Variants in RAB38 observed in about 807,000 individuals in gnomAD.
RAB38 encodes the protein ras-related protein Rab-38.
RAB38 carries 15 observed loss-of-function variants against 18.4 expected under a neutral mutation model. That is an observed-to-expected ratio of 0.82 (90% CI 0.55 to 1.26). The LOEUF is 1.26. Among genes scored for constraint, RAB38 ranks in the 50% most tolerant of loss-of-function variants. The probability of loss-of-function intolerance (pLI) is 0.00; values close to 1 mark genes in which losing one functional copy is unlikely to be tolerated. For synonymous variants in RAB38, 101 were observed against 104.4 expected (o/e 0.97, Z 0.20); for missense variants, 294 against 267.4 (o/e 1.10, Z -0.69).
At chr11:87,961,901 T>A in the RAB38 span, among the ~76,000 whole-genome samples, 1 of 152,132 alleles carries the variant, frequency 6.6e-6, no homozygotes. Flanking sequence ...CTAAAATATG[T>A]GCAAAATGAG....
downstream of RAB38, among the ~76,000 whole-genome samples, chr11:88,111,128 T>A (rs1370579449): frequency 6.6e-6 from 1 of 152,216 alleles, no homozygotes; most frequent in Non-Finnish European, 1.5e-5. Flanking sequence ...TTGACCAAAC[T>A]GCTTCTAATC....
At chr11:87,824,779 T>C in the RAB38 span, among the ~76,000 whole-genome samples, 1 of 151,856 alleles carries the variant, frequency 6.6e-6, no homozygotes, top group Non-Finnish European at 1.5e-5. Context: ...ATGCAGGAGA[T>C]TTCTATGCAG....
chr11:87,857,289 G>A, the RAB38 span, among the ~76,000 whole-genome samples: 2 of 152,180 alleles, frequency 1.3e-5, no homozygotes, highest in African/African-American at 2.4e-5. Flanking sequence ...TTGGTTCCAA[G>A]TCTTTGCTAT....
chr11:87,926,512 T>TTTTGTTTG, the RAB38 span, among the ~76,000 whole-genome samples: 38 of 150,982 alleles, frequency 2.5e-4, no homozygotes, highest in East Asian at 5.9e-4. Flanking sequence ...ATGGTGGTTT[T>TTTTGTTTG]TTTGTTTGTT....
chr11:88,157,567 G>A (rs1943141249), intron 1 of RAB38, among the ~76,000 whole-genome samples: 1 of 151,978 alleles, frequency 6.6e-6, no homozygotes, highest in African/African-American at 2.4e-5. Context: ...ACAGAACATA[G>A]AAAGATTGAA....
At chr11:87,925,928 A>G in the RAB38 span, among the ~76,000 whole-genome samples, 2 of 151,944 alleles carry the variant, frequency 1.3e-5, no homozygotes, top group Admixed American at 6.6e-5. Flanking sequence ...GATACCTGCC[A>G]CGCTACGATC....
the RAB38 span, among the ~76,000 whole-genome samples, chr11:87,922,184 T>A: frequency 7.9e-5 from 12 of 152,000 alleles, no homozygotes; most frequent in Non-Finnish European, 1.8e-4. Flanking sequence ...GTGTGTCACT[T>A]TGGATGGTAA....
chr11:87,829,081 T>A, the RAB38 span, among the ~76,000 whole-genome samples: 1 of 152,190 alleles, frequency 6.6e-6, no homozygotes, highest in South Asian at 2.1e-4. Context: ...TGTTTTCAGA[T>A]TAACCTAGGA....
chr11:88,057,508 C>T, the RAB38 span, among the ~76,000 whole-genome samples: 3,126 of 151,934 alleles, frequency 0.021, 104 homozygotes, highest in African/African-American at 0.07. Context: ...GTGAAGTTGC[C>T]GTGATTCAAT....
the RAB38 span, among the ~76,000 whole-genome samples, chr11:88,033,580 T>G: frequency 6.6e-6 from 1 of 152,104 alleles, no homozygotes; most frequent in Non-Finnish European, 1.5e-5. Context: ...AAAATTGATA[T>G]TGAAGTAATC....
the RAB38 span, among the ~76,000 whole-genome samples, chr11:87,967,027 C>T: frequency 3.9e-5 from 6 of 152,168 alleles, no homozygotes; most frequent in South Asian, 2.1e-4. Flanking sequence ...ATGGATAATC[C>T]CTCTGGCTGA....
At chr11:87,885,865 G>A in the RAB38 span, among the ~76,000 whole-genome samples, 32 of 152,002 alleles carry the variant, frequency 2.1e-4, no homozygotes, top group African/African-American at 7.0e-4. Flanking sequence ...AATAGGGATG[G>A]GGGCAAAAAT....
At chr11:88,154,872 C>T (rs1262932857) in intron 1 of RAB38, among the ~76,000 whole-genome samples, 2 of 152,192 alleles carry the variant, frequency 1.3e-5, no homozygotes, top group Non-Finnish European at 2.9e-5. Flanking sequence ...CTGCTCCATG[C>T]CCAGGCAAAT....
At chr11:88,038,889 A>G in the RAB38 span, among the ~76,000 whole-genome samples, 23 of 152,286 alleles carry the variant, frequency 1.5e-4, no homozygotes, top group African/African-American at 5.5e-4. Context: ...TACTTTACAA[A>G]TATCTATTCC....
the RAB38 span, among the ~76,000 whole-genome samples, chr11:87,848,905 T>A: frequency 1.3e-5 from 2 of 152,258 alleles, no homozygotes; most frequent in Admixed American, 1.3e-4. Context: ...CACATATTAA[T>A]GCCAACCCCA....
the RAB38 span, among the ~76,000 whole-genome samples, chr11:88,077,746 T>C: frequency 6.6e-6 from 1 of 152,068 alleles, no homozygotes; most frequent in Non-Finnish European, 1.5e-5. Flanking sequence ...GTGTAAGGTC[T>C]CAAAAGCATA....
At chr11:88,122,907 G>C (rs1942647956) in intron 2 of RAB38, among the ~76,000 whole-genome samples, 1 of 152,196 alleles carries the variant, frequency 6.6e-6, no homozygotes, top group Non-Finnish European at 1.5e-5. Flanking sequence ...GCATGTTGGA[G>C]TCAAGCTTTA....
chr11:88,092,353 A>AGGGG, the RAB38 span, among the ~76,000 whole-genome samples: 1 of 2,978 alleles, frequency 3.4e-4, no homozygotes, highest in Non-Finnish European at 1.1e-3. Context: ...AGAGGGAGGG[A>AGGGG]GAGAGAGAGA....
At chr11:87,950,624 T>C in the RAB38 span, among the ~76,000 whole-genome samples, 3 of 152,174 alleles carry the variant, frequency 2.0e-5, no homozygotes, top group African/African-American at 7.2e-5. Context: ...GTAAAGGATT[T>C]TATTTCTCCT....
Sources: allele counts gnomAD v4.1 joint callset (sites outside exome capture counted in the v4.1 genomes callset), GRCh38; gene constraint gnomAD v4.1.1; transcripts MANE v1.5; gene names NCBI Gene and HGNC (gene_info 2026-07-23, HGNC 2026-07-21).